Variants in RABGAP1 observed in about 807,000 individuals in gnomAD.
RABGAP1 encodes RAB GTPase activating protein 1.
A neutral mutation model predicts 137.6 loss-of-function variants in RABGAP1; 23 were observed. The observed-to-expected ratio is 0.17, with a 90% CI of 0.12 to 0.24. The LOEUF is 0.24. Among genes scored for constraint, RABGAP1 ranks in the 10% least tolerant of loss-of-function variants. The probability of loss-of-function intolerance (pLI) is 1.00; values close to 1 mark genes in which losing one functional copy is unlikely to be tolerated. For synonymous variants in RABGAP1, 451 were observed against 450.7 expected, an observed-to-expected ratio of 1.00 and a Z score of -0.01; for missense variants, 906 against 1,275.8, an observed-to-expected ratio of 0.71 and a Z score of 4.42.
chr9:122,932,675 A>G, the RABGAP1 span, among the ~76,000 whole-genome samples: 2 of 152,004 alleles, frequency 1.3e-5, no homozygotes, highest in Admixed American at 6.6e-5. Context: ...GATTACAGGC[A>G]TGCGCCACCA....
intron 2 of RABGAP1, among the ~76,000 whole-genome samples, chr9:122,964,012 G>A (rs1350235003): frequency 2.0e-5 from 3 of 152,082 alleles, no homozygotes; most frequent in East Asian, 1.9e-4. Context: ...TTTCTAGAGC[G>A]ACACTAACAA....
At position 122,945,954 on chromosome 9, in the gene RABGAP1, A is replaced by G. The variant is rs560354660; in HGVS notation, c.-50+4861A>G. 9 of 152,314 alleles carry G rather than the reference A, an allele frequency of 5.9e-5. No homozygotes were observed. The South Asian group carries it at 1.9e-3, about 32-fold the overall frequency. The allele number at this position is 152,314 out of a possible 1,614,324, so 9.4% of individuals were successfully genotyped here. On this transcript the variant is annotated intron_variant, in intron 1 of 25. Transcript: ENST00000373647. Reference sequence around the variant, plus strand: ...TGATCTTTTATCAGTTAAGGAAATGATATGCAGAATCCTTTGGGAATATAT... The same window carrying G: ...TGATCTTTTATCAGTTAAGGAAATGGTATGCAGAATCCTTTGGGAATATAT...
intron 21 of RABGAP1, among the ~76,000 whole-genome samples, chr9:123,095,950 GA>G (rs148498161): frequency 6.6e-6 from 1 of 152,162 alleles, no homozygotes; most frequent in Non-Finnish European, 1.5e-5. Flanking sequence ...AATCCTTTTA[GA>G]ATATACCATT....
At chr9:123,047,876 T>G (rs2033275755) in intron 13 of RABGAP1, among the ~76,000 whole-genome samples, 1 of 150,862 alleles carries the variant, frequency 6.6e-6, no homozygotes, top group Non-Finnish European at 1.5e-5. Context: ...TATTTGTTAA[T>G]TGTTATAAGA....
intron 13 of RABGAP1, among the ~76,000 whole-genome samples, chr9:123,021,330 CTTTTTTT>C (rs397944903): frequency 8.9e-6 from 1 of 111,976 alleles, no homozygotes; most frequent in African/African-American, 3.6e-5. Context: ...GAAGAGCAGG[CTTTTTTT>C]TTTTTTTTTT....
intron 13 of RABGAP1, 94 bp downstream of exon 13, chr9:123,020,553 T>A: frequency 1.7e-6 from 2 of 1,195,278 alleles, no homozygotes; most frequent in Non-Finnish European, 2.2e-6. Flanking sequence ...GAAGTGTTTA[T>A]TATTAATTTA....
At chr9:123,018,544 C>G (rs1040746473) in intron 12 of RABGAP1, among the ~76,000 whole-genome samples, 1 of 152,168 alleles carries the variant, frequency 6.6e-6, no homozygotes, top group South Asian at 2.1e-4. Context: ...TTTATGAGAA[C>G]AGGTGATAGT....
intron 11 of RABGAP1, among the ~76,000 whole-genome samples, chr9:123,014,658 ATTTTTT>A (rs10560935): frequency 1.9e-5 from 2 of 107,238 alleles, no homozygotes; most frequent in African/African-American, 3.7e-5. Flanking sequence ...AAGAGGTTTA[ATTTTTT>A]TTTTTTTTTT....
chr9:123,072,962 A>G (rs369496168), intron 15 of RABGAP1, among the ~76,000 whole-genome samples: 41 of 152,340 alleles, frequency 2.7e-4, no homozygotes, highest in African/African-American at 7.2e-4. Context: ...AAATGTAGGT[A>G]TTATTATAAA....
Position 122,947,762 on chromosome 9 carries a change from G to GT in RABGAP1, c.-50+6675dup, listed in dbSNP as rs568905750. On this transcript the variant is annotated intron_variant, in intron 1 of 25. Transcript: ENST00000373647. The stretch of plus-strand genomic sequence containing the variant: ...TTTGATTCTTTTGGTTTTGGTTTTG[G>GT]TTTTTTAACGTAACCTGAAATTAAT... Among the ~76,000 whole-genome samples, 10 of 152,188 alleles carry GT rather than the reference G, an allele frequency of 6.6e-5. No individual in the cohort carries two copies. In the East Asian group the frequency reaches 1.9e-3, roughly 29 times the overall value.
chr9:123,069,637 T>C (rs192000995), intron 14 of RABGAP1, among the ~76,000 whole-genome samples: 5 of 151,834 alleles, frequency 3.3e-5, no homozygotes, highest in Admixed American at 6.6e-5. Context: ...TCCCAGTACT[T>C]TGGGAGTCCA....
chr9:122,972,161 G>A (rs1835503727), intron 2 of RABGAP1, among the ~76,000 whole-genome samples: 1 of 152,114 alleles, frequency 6.6e-6, no homozygotes, highest in Non-Finnish European at 1.5e-5. Context: ...CATTGTAGTG[G>A]CACATGTCTG....
At position 123,103,370 on chromosome 9, in the gene RABGAP1, A is replaced by G; in HGVS notation, c.*157A>G. The G allele has an allele frequency of 8.6e-7, 1 of 1,161,962 alleles. No individual in the cohort carries two copies. Among genetic ancestry groups the G allele is most frequent in the Admixed American group, 2.5e-5 (1 of 40,074 alleles). 72.0% of individuals were successfully genotyped at this position (1,161,962 alleles called of 1,614,324 possible). ...TAGGTCACTGGACCAGAGCTTGTGA[A>G]GCAGGCAACCTCTGGGGTAAGACTA... On this transcript the variant is annotated 3_prime_UTR_variant, in exon 26 of 26. Coordinates refer to ENST00000373647, the MANE Select transcript of RABGAP1 (RefSeq NM_012197.4).
chr9:123,037,789 TG>T (rs1041097715), intron 13 of RABGAP1, among the ~76,000 whole-genome samples: 41 of 152,238 alleles, frequency 2.7e-4, no homozygotes, highest in African/African-American at 7.2e-4. Context: ...CTTTAGTGGC[TG>T]GGGGTGTTTT....
intron 19 of RABGAP1, among the ~76,000 whole-genome samples, chr9:123,084,871 C>A (rs1270698363): frequency 6.6e-6 from 1 of 152,150 alleles, no homozygotes; most frequent in Non-Finnish European, 1.5e-5. Flanking sequence ...GCAGCTTGCC[C>A]TTGGTCACAC....
At chr9:123,102,603 C>A (rs191231821) in intron 25 of RABGAP1, among the ~76,000 whole-genome samples, 2 of 152,238 alleles carry the variant, frequency 1.3e-5, no homozygotes, top group African/African-American at 4.8e-5. Flanking sequence ...GTGGCAATTC[C>A]AGGCAGAGGG....
In RABGAP1 at chr9:123,015,663, T is replaced by A. The variant is rs138630650; in HGVS notation, c.1643+27T>A. On this transcript the variant is annotated intron_variant, in intron 12 of 25. Transcript: ENST00000373647. ...TAAGTTATGATAGAATAGTTTTTTTTATCTGCAATTTTCATTTTATGGGTA... is the reference window on the plus strand; with the variant it reads ...TAAGTTATGATAGAATAGTTTTTTTAATCTGCAATTTTCATTTTATGGGTA... 1.9e-3 allele frequency: 2,840 copies of A among 1,498,986 alleles called. 60 individuals are homozygous for A. The African/African-American group carries it at 0.035, about 19-fold the overall frequency. The allele number at this position is 1,498,986 out of a possible 1,614,324, so 92.9% of individuals were successfully genotyped here.
the RABGAP1 span, among the ~76,000 whole-genome samples, chr9:122,931,715 C>CT: frequency 1.3e-5 from 2 of 152,210 alleles, no homozygotes; most frequent in Non-Finnish European, 2.9e-5. Flanking sequence ...TCACTGCCTA[C>CT]TACCCCGAGG....
intron 11 of RABGAP1, among the ~76,000 whole-genome samples, chr9:123,013,660 A>T (rs1003504033): frequency 6.6e-6 from 1 of 152,028 alleles, no homozygotes; most frequent in African/African-American, 2.4e-5. Flanking sequence ...TACCTTATTC[A>T]TCCATATATA....
Sources: allele counts gnomAD v4.1 joint callset (sites outside exome capture counted in the v4.1 genomes callset), GRCh38; gene constraint gnomAD v4.1.1; transcripts MANE v1.5; gene names NCBI Gene and HGNC (gene_info 2026-07-23, HGNC 2026-07-21).